Variants in ZNF718 observed in about 807,000 individuals in gnomAD.
ZNF718 encodes zinc finger protein 718.
A neutral mutation model predicts 2.6 loss-of-function variants in ZNF718; 3 were observed. The ratio of observed to expected loss-of-function variants is 1.16; its 90% CI spans 0.53 to 3.01. The LOEUF is 3.01. Ranked by LOEUF, ZNF718 falls within the 30% of genes most tolerant of loss-of-function variation. ZNF718 has a pLI of 0.03. For missense variants in ZNF718, 468 were observed against 230.0 expected, an observed-to-expected ratio of 2.03 and a Z score of -6.69; for synonymous variants, 135 against 77.9, an observed-to-expected ratio of 1.73 and a Z score of -3.86.
Position 161,049 on chromosome 4 carries a change from A to G in ZNF718, c.364A>G (p.Lys122Glu). ...RKTCKSINEC[K>E]VQKGGYNRIN... ...AACTTGTAAAAGTATAAATGAGTGTAAGGTGCAGAAAGGTGGTTATAATAG... is the reference window on the plus strand; with the variant it reads ...AACTTGTAAAAGTATAAATGAGTGTGAGGTGCAGAAAGGTGGTTATAATAG... The change falls in exon 4 of 4, where the codon AAG (lysine) becomes GAG (glutamate). Residue 122 changes from lysine to glutamate, a missense_variant. Lys to Glu is a moderately conservative substitution (Grantham distance 56). Transcript: ENST00000510175. The G allele has an allele frequency of 5.1e-6, 4 of 780,258 alleles. No individual in the cohort carries two copies. The highest frequency in any genetic ancestry group is 9.6e-6 in the Non-Finnish European group (4 of 417,630). The allele number at this position is 780,258 out of a possible 1,614,324, so 48.3% of individuals were successfully genotyped here.
intron 3 of ZNF718, among the ~76,000 whole-genome samples, chr4:188,945 C>T (rs1422332647): frequency 7.2e-6 from 1 of 139,304 alleles, no homozygotes; most frequent in African/African-American, 2.6e-5. Context: ...TTTTCAAAGT[C>T]TCATGTGTGT....
chr4:147,877 A>C (rs1005018904), intron 3 of ZNF718, among the ~76,000 whole-genome samples: 15 of 152,186 alleles, frequency 9.9e-5, no homozygotes, highest in South Asian at 6.2e-4. Flanking sequence ...CCAGGAAAAA[A>C]AACCCTCCAA....
chr4:126,973 G>A (rs1324317825), intron 1 of ZNF718, among the ~76,000 whole-genome samples: 1 of 152,016 alleles, frequency 6.6e-6, no homozygotes, highest in African/African-American at 2.4e-5. Flanking sequence ...TTACAGGCGC[G>A]CCACCACACT....
downstream of ZNF718, among the ~76,000 whole-genome samples, chr4:168,497 T>G (rs1160387986): frequency 6.6e-6 from 1 of 152,178 alleles, no homozygotes; most frequent in Non-Finnish European, 1.5e-5. Flanking sequence ...TTTTTTTGGT[T>G]GGTAAGCTAT....
At chr4:144,787 C>T (rs539359846) in intron 3 of ZNF718, among the ~76,000 whole-genome samples, 44 of 152,064 alleles carry the variant, frequency 2.9e-4, no homozygotes, top group Non-Finnish European at 5.4e-4. Flanking sequence ...GAATTACTCT[C>T]TTGGTTTGAT....
downstream of ZNF718, among the ~76,000 whole-genome samples, chr4:167,758 C>T (rs542044260): frequency 3.9e-5 from 6 of 152,190 alleles, no homozygotes; most frequent in African/African-American, 7.2e-5. Context: ...GGGCCTGAGA[C>T]GATGGGGTTT....
chr4:133,194 AAATATATATATATATATAT>A lies in ZNF718; in HGVS notation c.226+1691_226+1709del, dbSNP rs1210687437. 2.7e-3 allele frequency among the ~76,000 whole-genome samples: 56 copies of A among 20,492 alleles called. 16 individuals are homozygous for A. The highest frequency in any genetic ancestry group is 0.013 in the African/African-American group (55 of 4,256). The allele number at this position is 20,492 out of a possible 152,430, so 13.4% of individuals were successfully genotyped here. On this transcript the variant is annotated intron_variant, in intron 3 of 3. Transcript: ENST00000510175. ...CTCCATCTTAAAAAAAAAAAAAAAA[AAATATATATATATATATAT>A]ATATATATATATATATGGTAACACT...
At chr4:142,846 C>T (rs1715873071) in intron 3 of ZNF718, among the ~76,000 whole-genome samples, 1 of 152,104 alleles carries the variant, frequency 6.6e-6, no homozygotes, top group Non-Finnish European at 1.5e-5. Flanking sequence ...CTGGCTCATT[C>T]TTTGATCTAT....
rs138951111 is a variant in ZNF718, at chr4:138,954, T to G, written c.226+7449T>G. ...AGGCTCTCTTTTGAGAAATTTCTAT[T>G]CAAATTTTTTGCTTATTTATCATCA... On this transcript the variant is annotated intron_variant, in intron 3 of 3. Coordinates refer to ENST00000510175, the MANE Select transcript of ZNF718 (RefSeq NM_001039127.6). Among the ~76,000 whole-genome samples, 935 of 152,330 alleles carry G rather than the reference T, an allele frequency of 6.1e-3. 10 individuals are homozygous for G. Among genetic ancestry groups the G allele is most frequent in the African/African-American group, 0.021 (881 of 41,558 alleles).
chr4:140,995 G>C (rs1715786699), intron 3 of ZNF718, among the ~76,000 whole-genome samples: 2 of 152,178 alleles, frequency 1.3e-5, no homozygotes, highest in South Asian at 2.1e-4. Flanking sequence ...GTTAATTCAA[G>C]CTGGGAGCTA....
intron 3 of ZNF718, among the ~76,000 whole-genome samples, chr4:173,538 T>G (rs1717283067): frequency 6.6e-6 from 1 of 152,016 alleles, no homozygotes; most frequent in Non-Finnish European, 1.5e-5. Context: ...TAGTTACTAT[T>G]TATACACAGT....
chr4:169,624 T>C (rs1244884557), intron 3 of ZNF718, among the ~76,000 whole-genome samples: 1 of 152,216 alleles, frequency 6.6e-6, no homozygotes, highest in Non-Finnish European at 1.5e-5. Flanking sequence ...TTTGTCTCTT[T>C]TGATCTTTGT....
chr4:168,917 G>C (rs1235145636), downstream of ZNF718, among the ~76,000 whole-genome samples: 5 of 151,898 alleles, frequency 3.3e-5, no homozygotes, highest in South Asian at 6.2e-4. Context: ...TTTGCTCTTG[G>C]TTCTCTAGTT....
chr4:183,493 G>C (rs566329857), intron 3 of ZNF718, among the ~76,000 whole-genome samples: 1 of 152,180 alleles, frequency 6.6e-6, no homozygotes, highest in African/African-American at 2.4e-5. Context: ...ACTCTTTTTT[G>C]GTTCCATATG....
chr4:124,904 T>C, intron 1 of ZNF718: 1 of 505,780 alleles, frequency 2.0e-6, no homozygotes, highest in Non-Finnish European at 3.5e-6. Flanking sequence ...CCCCGGGCTG[T>C]GGAGTGAGTA....
intron 3 of ZNF718, among the ~76,000 whole-genome samples, chr4:156,325 C>G (rs781913995): frequency 3.3e-5 from 5 of 152,106 alleles, no homozygotes; most frequent in Non-Finnish European, 5.9e-5. Context: ...ATACAATGAT[C>G]ATTTTACCCT....
At chr4:170,259 T>G (rs1424189169) in intron 3 of ZNF718, among the ~76,000 whole-genome samples, 3 of 152,156 alleles carry the variant, frequency 2.0e-5, no homozygotes, top group Non-Finnish European at 4.4e-5. Context: ...AACCCGACCT[T>G]TCTCTCTGGC....
At chr4:157,811 T>C (rs1468444180) in intron 3 of ZNF718, among the ~76,000 whole-genome samples, 1 of 152,208 alleles carries the variant, frequency 6.6e-6, no homozygotes, top group Non-Finnish European at 1.5e-5. Flanking sequence ...TATTCTGCTG[T>C]CATTGAGCAG....
chr4:167,260 A>G (rs1331902630), downstream of ZNF718, among the ~76,000 whole-genome samples: 2 of 152,150 alleles, frequency 1.3e-5, no homozygotes, highest in African/African-American at 4.8e-5. Context: ...CTAACCTTGT[A>G]GTATAGTTCG....
Sources: gnomAD v4.1 joint callset for allele counts (sites outside exome capture counted in the v4.1 genomes callset) on GRCh38, gnomAD v4.1.1 for gene constraint, MANE v1.5 for transcripts, NCBI Gene and HGNC (gene_info 2026-07-23, HGNC 2026-07-21) for gene names.